MLLT3: variants seen among roughly 807,000 people sequenced by gnomAD.
The protein encoded by MLLT3 is protein AF-9.
In MLLT3, 4 loss-of-function variants were observed where a neutral mutation model predicts 53.2. The observed-to-expected ratio is 0.08, with a 90% CI of 0.04 to 0.17. The LOEUF (loss-of-function observed/expected upper bound fraction) is 0.17. Ranked by LOEUF, MLLT3 falls within the 10% of genes least tolerant of loss-of-function variation. The pLI, the probability that MLLT3 is intolerant of heterozygous loss-of-function variation, is 1.00. For missense variants in MLLT3, 569 were observed against 684.0 expected (o/e 0.83, Z 1.87); for synonymous variants, 283 against 230.6 (o/e 1.23, Z -2.06).
chr9:20,548,468 G>T (rs946091860), intron 2 of MLLT3, among the ~76,000 whole-genome samples: 7 of 152,176 alleles, frequency 4.6e-5, no homozygotes, highest in East Asian at 1.9e-4. Flanking sequence ...TTCCAGGGGG[G>T]TGCTAAATAC....
intron 4 of MLLT3, among the ~76,000 whole-genome samples, chr9:20,431,459 T>A (rs1006545122): frequency 3.3e-5 from 5 of 152,120 alleles, no homozygotes; most frequent in Non-Finnish European, 5.9e-5. Flanking sequence ...TATAGTAGAC[T>A]CCATAATTGT....
rs1821007783 is a variant in MLLT3 at position 20,621,490 on chromosome 9, A to G, written c.13-656T>C. Among the ~76,000 whole-genome samples the G allele has an allele frequency of 3.3e-5, 5 of 152,234 alleles. No individual in the cohort carries two copies. In the South Asian group the frequency reaches 8.3e-4, roughly 25 times the overall value. ...CGCAGGAAAACACGCCGAGGCATCC[A>G]TAACTTAGAGCACCCCGCACCCCCC... On this transcript the variant is annotated intron_variant, in intron 1 of 10. Transcript: ENST00000380338. This position sits in a 1 kb window ranked among gnomAD's most constrained non-coding sequence, Gnocchi z 7.0.
At position 20,621,959 on chromosome 9, in the gene MLLT3, G is replaced by A. The variant is rs1821027227; in HGVS notation, c.12+286C>T. On this transcript the variant is annotated intron_variant, in intron 1 of 10. Coordinates refer to ENST00000380338, the MANE Select transcript of MLLT3 (RefSeq NM_004529.4). This position sits in a 1 kb window ranked among gnomAD's most constrained non-coding sequence, Gnocchi z 7.0. ...TGAGCGAGAGGGAGTGTGTGAGTGCGCTTCTTGTGACTGCAAAGAGGCGAG... is the reference window on the plus strand; with the variant it reads ...TGAGCGAGAGGGAGTGTGTGAGTGCACTTCTTGTGACTGCAAAGAGGCGAG... The A allele has an allele frequency of 5.0e-6, 7 of 1,396,446 alleles. 1 individual carries two copies. In the South Asian group the frequency reaches 8.1e-5, roughly 16 times the overall value. 86.5% of individuals were successfully genotyped at this position (1,396,446 alleles called of 1,614,324 possible).
At chr9:20,602,392 G>A (rs1820447437) in intron 2 of MLLT3, among the ~76,000 whole-genome samples, 1 of 152,048 alleles carries the variant, frequency 6.6e-6, no homozygotes, top group South Asian at 2.1e-4. Context: ...CTTTCAATAA[G>A]GTTAAATGTG....
chr9:20,377,064 G>A (rs1009122565), intron 5 of MLLT3, among the ~76,000 whole-genome samples: 3 of 152,064 alleles, frequency 2.0e-5, no homozygotes, highest in East Asian at 1.9e-4. Context: ...TGAGAGTGAC[G>A]GGTAGAGAAA....
intron 2 of MLLT3, among the ~76,000 whole-genome samples, chr9:20,616,919 A>G (rs1820846642): frequency 6.6e-6 from 1 of 152,180 alleles, no homozygotes; most frequent in African/African-American, 2.4e-5. Flanking sequence ...TATAAACATT[A>G]AAAATCTTAA....
intron 5 of MLLT3, among the ~76,000 whole-genome samples, chr9:20,366,427 C>CACCACATGG (rs773569197): frequency 7.4e-4 from 112 of 152,320 alleles, no homozygotes; most frequent in Non-Finnish European, 1.4e-3. Flanking sequence ...GCCACATGTT[C>CACCACATGG]TTTATCCAGT....
chr9:20,455,328 CT>C (rs1254491266), intron 3 of MLLT3, among the ~76,000 whole-genome samples: 1 of 152,228 alleles, frequency 6.6e-6, no homozygotes, highest in Non-Finnish European at 1.5e-5. Context: ...CACTTTCTAA[CT>C]GCTGAATTGA....
intron 2 of MLLT3, among the ~76,000 whole-genome samples, chr9:20,563,563 A>G (rs556253237): frequency 6.6e-6 from 1 of 152,248 alleles, no homozygotes; most frequent in Admixed American, 6.5e-5. Context: ...AACAAGCAGC[A>G]TCTCTACCTG....
chr9:20,532,363 C>T (rs555060059), intron 2 of MLLT3, among the ~76,000 whole-genome samples: 1 of 151,872 alleles, frequency 6.6e-6, no homozygotes, highest in African/African-American at 2.4e-5. Context: ...AGAGTAACAA[C>T]TGTGAAAATT....
intron 2 of MLLT3, among the ~76,000 whole-genome samples, chr9:20,585,174 G>A (rs915685975): frequency 6.6e-6 from 1 of 152,116 alleles, no homozygotes; most frequent in Non-Finnish European, 1.5e-5. Flanking sequence ...TCTGTTTCCG[G>A]TGAGGACTCT....
chr9:20,598,983 C>T (rs574679807), intron 2 of MLLT3, among the ~76,000 whole-genome samples: 1 of 152,280 alleles, frequency 6.6e-6, no homozygotes, highest in South Asian at 2.1e-4. Flanking sequence ...CAAATTTCCA[C>T]GTATCCAGAG....
chr9:20,483,104 C>T (rs1824706180), intron 2 of MLLT3, among the ~76,000 whole-genome samples: 1 of 152,146 alleles, frequency 6.6e-6, no homozygotes, highest in African/African-American at 2.4e-5. Flanking sequence ...TAGAGGCCAA[C>T]TGTGAATCAT....
intron 4 of MLLT3, among the ~76,000 whole-genome samples, chr9:20,422,244 TGAAA>T (rs1823027629): frequency 6.6e-6 from 1 of 152,212 alleles, no homozygotes; most frequent in South Asian, 2.1e-4. Flanking sequence ...TCTCCTGTTA[TGAAA>T]TACAATGCTT....
chr9:20,553,128 T>C (rs1428620480), intron 2 of MLLT3, among the ~76,000 whole-genome samples: 4 of 152,188 alleles, frequency 2.6e-5, no homozygotes, highest in African/African-American at 9.7e-5. Flanking sequence ...AAGTCCTTAT[T>C]TTTCTAAAGT....
chr9:20,507,656 G>A (rs566591215), intron 2 of MLLT3, among the ~76,000 whole-genome samples: 2 of 149,360 alleles, frequency 1.3e-5, no homozygotes, highest in South Asian at 4.2e-4. Flanking sequence ...GCAAGAATTT[G>A]CTTATTAACT....
At chr9:20,401,264 A>C (rs900871868) in intron 5 of MLLT3, among the ~76,000 whole-genome samples, 5 of 152,286 alleles carry the variant, frequency 3.3e-5, no homozygotes, top group Admixed American at 1.3e-4. Flanking sequence ...AATAGACAGT[A>C]AGTATTTTTT....
intron 4 of MLLT3, among the ~76,000 whole-genome samples, chr9:20,438,042 A>G (rs1823448819): frequency 6.6e-6 from 1 of 152,184 alleles, no homozygotes; most frequent in Admixed American, 6.5e-5. Context: ...ATAGATATCT[A>G]TGAATGCTGG....
At chr9:20,544,581 T>A (rs1818735880) in intron 2 of MLLT3, among the ~76,000 whole-genome samples, 1 of 152,022 alleles carries the variant, frequency 6.6e-6, no homozygotes, top group African/African-American at 2.4e-5. Context: ...AAACAGAAAA[T>A]AATAGGTGTT....
Sources: gnomAD v4.1 joint callset for allele counts (sites outside exome capture counted in the v4.1 genomes callset) on GRCh38, gnomAD v4.1.1 for gene constraint, Gnocchi (gnomAD v3.1) non-coding constraint, MANE v1.5 for transcripts, NCBI Gene and HGNC (gene_info 2026-07-23, HGNC 2026-07-21) for gene names.